The following TMOD3 variants were observed in gnomAD, a reference collection of about 807,000 sequenced individuals.
The protein encoded by TMOD3 is tropomodulin 3.
A neutral mutation model predicts 39.2 loss-of-function variants in TMOD3; 20 were observed. The ratio of observed to expected loss-of-function variants is 0.51; its 90% confidence interval spans 0.36 to 0.74. TMOD3 has a LOEUF of 0.74. Ranked by LOEUF, TMOD3 falls within the 30% of genes least tolerant of loss-of-function variation. The pLI is 0.00. For missense variants in TMOD3, 381 were observed against 412.8 expected (o/e 0.92, Z 0.67); for synonymous variants, 143 against 145.8 (o/e 0.98, Z 0.14).
At chr15:51,834,647 A>G (rs2056272400) in intron 1 of TMOD3, among the ~76,000 whole-genome samples, 1 of 152,186 alleles carries the variant, frequency 6.6e-6, no homozygotes, top group Non-Finnish European at 1.5e-5. Flanking sequence ...TCTGGGCAAC[A>G]TGACAAAACC....
chr15:51,859,348 C>T, intron 1 of TMOD3: 1 of 708,578 alleles, frequency 1.4e-6, no homozygotes, highest in Non-Finnish European at 2.7e-6. Flanking sequence ...AGATCAGAAT[C>T]TACAGATCCA....
intron 1 of TMOD3, among the ~76,000 whole-genome samples, chr15:51,837,424 C>CTT (rs75918501): frequency 1.8e-4 from 26 of 142,100 alleles, no homozygotes; most frequent in African/African-American, 4.9e-4. Context: ...GGGAACTATT[C>CTT]TTTTTTTTTT....
intron 6 of TMOD3, among the ~76,000 whole-genome samples, chr15:51,895,521 A>G (rs979842835): frequency 2.0e-5 from 3 of 151,780 alleles, no homozygotes; most frequent in African/African-American, 7.3e-5. Flanking sequence ...CGCCCGGCCT[A>G]TTTTTATTTT....
intron 3 of TMOD3, among the ~76,000 whole-genome samples, chr15:51,879,373 A>G (rs1446843492): frequency 1.7e-4 from 26 of 151,434 alleles, no homozygotes; most frequent in Admixed American, 1.7e-3. Flanking sequence ...TTCTGATCTC[A>G]TCATTGTTTA....
At chr15:51,898,822 C>T (rs1168502038) in intron 7 of TMOD3, among the ~76,000 whole-genome samples, 2 of 151,932 alleles carry the variant, frequency 1.3e-5, no homozygotes, top group African/African-American at 4.8e-5. Context: ...TCCTTCCCCT[C>T]CTTCCTTCCC....
intron 1 of TMOD3, among the ~76,000 whole-genome samples, chr15:51,835,836 G>A (rs2570236): frequency 0.46 from 70,387 of 151,844 alleles, 16,557 homozygotes; most frequent in Admixed American, 0.53. Context: ...ATTCTCATAC[G>A]TATTTTTATA....
intron 2 of TMOD3, among the ~76,000 whole-genome samples, chr15:51,867,517 T>G (rs1228237753): frequency 6.6e-6 from 1 of 152,228 alleles, no homozygotes; most frequent in Non-Finnish European, 1.5e-5. Flanking sequence ...AACACAGAAG[T>G]GAATTTTATG....
In TMOD3 at chr15:51,912,139, T is replaced by A. The variant is rs1012126986; in HGVS notation, c.*3329T>A. ...ACATAATAAAAATTATTTTAAAAAA[T>A]GTTTTGGGCCGGGTGCGGTGGCTCA... is the stretch of plus-strand genomic sequence containing the variant. On this transcript the variant is annotated 3_prime_UTR_variant, in exon 10 of 10. Transcript: ENST00000308580. 1 of 152,090 alleles carries A rather than the reference T, an allele frequency of 6.6e-6. No homozygotes were observed. Among genetic ancestry groups the A allele is most frequent in the Admixed American group, 6.6e-5 (1 of 15,238 alleles). The allele number at this position is 152,090 out of a possible 1,614,324, so 9.4% of individuals were successfully genotyped here.
At chr15:51,886,015 C>T (rs2056560389) in intron 3 of TMOD3, among the ~76,000 whole-genome samples, 1 of 151,854 alleles carries the variant, frequency 6.6e-6, no homozygotes, top group African/African-American at 2.4e-5. Flanking sequence ...AGACGCTCCT[C>T]ACTTCCCAGA....
At chr15:51,844,767 C>A (rs1300158904) in intron 1 of TMOD3, among the ~76,000 whole-genome samples, 1 of 152,136 alleles carries the variant, frequency 6.6e-6, no homozygotes, top group Non-Finnish European at 1.5e-5. Context: ...ACATGTCTAA[C>A]TTTATTATGG....
intron 1 of TMOD3, chr15:51,860,539 AT>A: frequency 1.7e-6 from 1 of 576,018 alleles, no homozygotes; most frequent in Non-Finnish European, 3.4e-6. Flanking sequence ...TCCATTTCCC[AT>A]TTGGCTGCCA....
chr15:51,887,262 T>A (rs867446838), intron 3 of TMOD3, among the ~76,000 whole-genome samples: 6 of 144,102 alleles, frequency 4.2e-5, no homozygotes, highest in South Asian at 2.1e-4. Flanking sequence ...TTTTTTTTTT[T>A]AATCTCTTTA....
chr15:51,836,857 C>T (rs1322161853), intron 1 of TMOD3, among the ~76,000 whole-genome samples: 1 of 152,142 alleles, frequency 6.6e-6, no homozygotes, highest in Admixed American at 6.5e-5. Flanking sequence ...TGCACCCACT[C>T]ACTAAGGAAG....
chr15:51,834,765 T>C (rs2056273840), intron 1 of TMOD3, among the ~76,000 whole-genome samples: 1 of 152,180 alleles, frequency 6.6e-6, no homozygotes, highest in South Asian at 2.1e-4. Flanking sequence ...AGGTGGAGGC[T>C]ACAGTGAGTT....
chr15:51,841,577 G>A (rs908179966), intron 1 of TMOD3, among the ~76,000 whole-genome samples: 2 of 152,096 alleles, frequency 1.3e-5, no homozygotes, highest in Non-Finnish European at 2.9e-5. Flanking sequence ...AAGCTTCTTG[G>A]CCAATAGCAA....
At chr15:51,876,608 C>T (rs1566860972) in intron 3 of TMOD3, among the ~76,000 whole-genome samples, 1 of 151,768 alleles carries the variant, frequency 6.6e-6, no homozygotes, top group Admixed American at 6.6e-5. Context: ...ACTACAGGCA[C>T]CTGCCACCTC....
chr15:51,836,967 C>T (rs1292684538), intron 1 of TMOD3, among the ~76,000 whole-genome samples: 1 of 151,968 alleles, frequency 6.6e-6, no homozygotes, highest in Non-Finnish European at 1.5e-5. Flanking sequence ...CATAACTAAG[C>T]ATGAACATCA....
intron 3 of TMOD3, 110 bp from the exon 4 acceptor site, chr15:51,887,479 A>C (rs1416727371): frequency 8.8e-7 from 1 of 1,138,584 alleles, no homozygotes; most frequent in African/African-American, 1.6e-5. Context: ...ATTACTGTCG[A>C]TGTTAATCTT....
At chr15:51,857,177 G>T (rs1250051002) in intron 1 of TMOD3, among the ~76,000 whole-genome samples, 1 of 152,132 alleles carries the variant, frequency 6.6e-6, no homozygotes, top group East Asian at 1.9e-4. Context: ...CAAGAAAAGG[G>T]GCAGATCTAA....
Sources: gnomAD v4.1 joint callset for allele counts (sites outside exome capture counted in the v4.1 genomes callset) on GRCh38, gnomAD v4.1.1 for gene constraint, MANE v1.5 for transcripts, NCBI Gene and HGNC (gene_info 2026-07-23, HGNC 2026-07-21) for gene names.